DEPTOR: variants seen among roughly 807,000 people sequenced by gnomAD.
DEPTOR encodes the protein DEP domain containing MTOR interacting protein.
DEPTOR carries 41 observed loss-of-function variants against 41.6 expected under a neutral mutation model. The ratio of observed to expected loss-of-function variants is 0.98; its 90% CI spans 0.77 to 1.28. DEPTOR has a LOEUF of 1.28. DEPTOR is among the 50% of genes most tolerant of loss of function. DEPTOR has a pLI of 0.00. For missense variants in DEPTOR, 514 were observed against 527.9 expected (o/e 0.97, Z 0.26); for synonymous variants, 195 against 192.3 (o/e 1.01, Z -0.12).
intron 4 of DEPTOR, among the ~76,000 whole-genome samples, chr8:119,991,076 TTCTTTCTTTCTTTTTCTTTC>T (rs1177008490): frequency 9.5e-4 from 72 of 75,586 alleles, no homozygotes; most frequent in African/African-American, 3.4e-3. Flanking sequence ...CTTTCTTTCT[TTCTTTCTTTCTTTTTCTTTC>T]TTTCTTTCTT....
At chr8:119,955,854 A>G (rs1398220906) in intron 3 of DEPTOR, among the ~76,000 whole-genome samples, 1 of 152,234 alleles carries the variant, frequency 6.6e-6, no homozygotes, top group African/African-American at 2.4e-5. Flanking sequence ...TATGTGAATT[A>G]TCTCTGAGTA....
chr8:120,046,896 C>T (rs1813161063), intron 8 of DEPTOR, among the ~76,000 whole-genome samples: 1 of 152,222 alleles, frequency 6.6e-6, no homozygotes, highest in Admixed American at 6.5e-5. Context: ...GCCGTAAGGA[C>T]TGTGGCAAAT....
chr8:119,929,255 T>C (rs1350576644), intron 2 of DEPTOR, among the ~76,000 whole-genome samples: 2 of 152,150 alleles, frequency 1.3e-5, no homozygotes, highest in Non-Finnish European at 2.9e-5. Flanking sequence ...GGAATACCCT[T>C]TCGCCTCATT....
chr8:120,041,281 G>A (rs1026234445), intron 8 of DEPTOR, among the ~76,000 whole-genome samples: 5 of 152,144 alleles, frequency 3.3e-5, no homozygotes, highest in East Asian at 1.9e-4. Flanking sequence ...GTGATGGGAC[G>A]CCAGCCTATA....
rs530258803 is a variant in DEPTOR at position 120,026,617 on chromosome 8, A to G, written c.1101+17484A>G. ...CTCAGCCTCCCAAAGTGCTGAGATTACAGGCATGAGTCACTGCACCCCGCC... is the reference window on the plus strand; with the variant it reads ...CTCAGCCTCCCAAAGTGCTGAGATTGCAGGCATGAGTCACTGCACCCCGCC... On this transcript the variant is annotated intron_variant, in intron 8 of 8. Coordinates refer to ENST00000286234, the MANE Select transcript of DEPTOR (RefSeq NM_022783.4). Among the ~76,000 whole-genome samples the G allele has an allele frequency of 6.6e-5, 10 of 152,234 alleles. 1 individual carries two copies. In the East Asian group the frequency reaches 1.9e-3, roughly 30 times the overall value.
rs60003356 is a variant in DEPTOR at position 120,032,211 on chromosome 8, CTTT to C, written c.1102-17342_1102-17340del. 8.7e-3 allele frequency among the ~76,000 whole-genome samples: 1,057 copies of C among 120,878 alleles called. 25 individuals carry two copies. The highest frequency in any genetic ancestry group is 0.032 in the Middle Eastern group (7 of 222). The allele number at this position is 120,878 out of a possible 152,430, so 79.3% of individuals were successfully genotyped here. Reference sequence around the variant, plus strand: ...TTCATTCTAATATGACACTAACTTTCTTTTTTTTTTTTTTTTTTTTTTTTTGAG... The same window carrying C: ...TTCATTCTAATATGACACTAACTTTCTTTTTTTTTTTTTTTTTTTTTTGAG... On this transcript the variant is annotated intron_variant, in intron 8 of 8. Coordinates refer to ENST00000286234, the MANE Select transcript of DEPTOR (RefSeq NM_022783.4).
chr8:119,931,949 AT>A (rs1828049067), intron 3 of DEPTOR, among the ~76,000 whole-genome samples: 1 of 137,348 alleles, frequency 7.3e-6, no homozygotes, highest in African/African-American at 2.8e-5. Flanking sequence ...TTTTTTTTTA[AT>A]TAAAAAAGAT....
chr8:119,887,812 C>CTCTT (rs1337210854), intron 1 of DEPTOR, among the ~76,000 whole-genome samples: 2 of 150,358 alleles, frequency 1.3e-5, no homozygotes, highest in Admixed American at 6.6e-5. Context: ...TTTTTGTTTT[C>CTCTT]TCTTTCTTTC....
intron 8 of DEPTOR, among the ~76,000 whole-genome samples, chr8:120,040,036 G>A (rs575248697): frequency 2.0e-5 from 3 of 151,796 alleles, no homozygotes; most frequent in Non-Finnish European, 4.4e-5. Context: ...TAGAGATGGG[G>A]TTTCACCATG....
chr8:120,030,822 G>T (rs1267245470), intron 8 of DEPTOR, among the ~76,000 whole-genome samples: 3 of 151,918 alleles, frequency 2.0e-5, no homozygotes, highest in East Asian at 1.9e-4. Flanking sequence ...TTGAGACAGG[G>T]TCTCGCTCTG....
Position 119,873,787 on chromosome 8 carries a change from C to T in DEPTOR, c.-60C>T. ...GAAGCGTCTGTGAGGGCAGACTGAT[C>T]CGAGCACCCAAACCCTCGGCGGACA... is the stretch of plus-strand genomic sequence containing the variant. On this transcript the variant is annotated 5_prime_UTR_variant, in exon 1 of 9. Coordinates refer to ENST00000286234, the MANE Select transcript of DEPTOR (RefSeq NM_022783.4). 3 of 1,599,874 alleles carry T rather than the reference C, an allele frequency of 1.9e-6. No individual in the cohort carries two copies. The highest frequency in any genetic ancestry group is 2.6e-6 in the Non-Finnish European group (3 of 1,173,278).
Position 120,049,561 on chromosome 8 carries a change from G to A in DEPTOR, c.1102-15G>A, listed in dbSNP as rs1373674782. ...GCGCTATAATAGATGCTCTTTCTTTGCATCTTTCCTTTAGGTCTGTCAGTT... is the reference window on the plus strand; with the variant it reads ...GCGCTATAATAGATGCTCTTTCTTTACATCTTTCCTTTAGGTCTGTCAGTT... On this transcript the variant is annotated splice_polypyrimidine_tract_variant and intron_variant, in intron 8 of 8. Coordinates refer to ENST00000286234, the MANE Select transcript of DEPTOR (RefSeq NM_022783.4). 6.2e-7 allele frequency: 1 copy of A among 1,611,312 alleles called. No individual in the cohort carries two copies.
chr8:119,935,879 T>C (rs1586622594), intron 3 of DEPTOR, among the ~76,000 whole-genome samples: 1 of 152,160 alleles, frequency 6.6e-6, no homozygotes, highest in East Asian at 1.9e-4. Flanking sequence ...ATGTATATTT[T>C]AAACTAACTT....
chr8:119,888,858 C>CAAAAAAAAAAAAAA (rs34471575), intron 1 of DEPTOR, among the ~76,000 whole-genome samples: 4 of 63,864 alleles, frequency 6.3e-5, no homozygotes, highest in African/African-American at 2.6e-4. Context: ...TCTGTCTCAG[C>CAAAAAAAAAAAAAA]AAAAAAAAAA....
At chr8:119,899,770 T>C (rs536243890) in intron 1 of DEPTOR, among the ~76,000 whole-genome samples, 1 of 152,350 alleles carries the variant, frequency 6.6e-6, no homozygotes, top group South Asian at 2.1e-4. Context: ...CTTACCTATC[T>C]AATTTTAAAT....
chr8:120,030,157 G>T (rs995288014), intron 8 of DEPTOR, among the ~76,000 whole-genome samples: 1 of 152,098 alleles, frequency 6.6e-6, no homozygotes, highest in Admixed American at 6.6e-5. Context: ...GCCAGGGGAG[G>T]CCAAATACTA....
Position 119,965,135 on chromosome 8 carries a change from C to A in DEPTOR, c.426-97C>A. The A allele has an allele frequency of 2.3e-6, 3 of 1,330,482 alleles. No homozygotes were observed. The South Asian group carries it at 4.6e-5, about 20-fold the overall frequency. The allele number at this position is 1,330,482 out of a possible 1,614,324, so 82.4% of individuals were successfully genotyped here. A position where few individuals can be genotyped will look rare whatever the true frequency, so the allele number is the denominator to read the frequency against. ...CTGACAGCTGCATCTGTCTGTCTGA[C>A]AACTTTGCTGTAGTACTTCATGGAA... is the stretch of plus-strand genomic sequence containing the variant. On this transcript the variant is annotated intron_variant, in intron 3 of 8. Coordinates refer to ENST00000286234, the MANE Select transcript of DEPTOR (RefSeq NM_022783.4).
In DEPTOR at chr8:120,001,696, C is replaced by T; in HGVS notation, c.776C>T (p.Thr259Ile). 6.2e-7 allele frequency: 1 copy of T among 1,612,754 alleles called. No homozygotes were observed. Among genetic ancestry groups the T allele is most frequent in the Non-Finnish European group, 8.5e-7 (1 of 1,179,320 alleles). ...RKQSHDNRKS[T>I]SFMSVSPSKE... Reference sequence around the variant, plus strand: ...CAGAGCCATGACAATCGGAAATCTACCAGCTTTATGTCAGGTATGCCATCC... The same window carrying T: ...CAGAGCCATGACAATCGGAAATCTATCAGCTTTATGTCAGGTATGCCATCC... The change falls in exon 5 of 9, where the codon ACC (threonine) becomes ATC (isoleucine). Residue 259 changes from threonine to isoleucine, a missense_variant. Physicochemically the swap from Thr to Ile is moderately conservative, Grantham distance 89 (BLOSUM62 -1). Transcript: ENST00000286234.
At chr8:120,003,593 G>A (rs1812389756) in intron 6 of DEPTOR, among the ~76,000 whole-genome samples, 1 of 151,600 alleles carries the variant, frequency 6.6e-6, no homozygotes, top group Admixed American at 6.6e-5. Flanking sequence ...CACAGCAGGG[G>A]AAACAGCACT....
Sources: gnomAD v4.1 joint callset for allele counts (sites outside exome capture counted in the v4.1 genomes callset) on GRCh38, gnomAD v4.1.1 for gene constraint, MANE v1.5 for transcripts, NCBI Gene and HGNC (gene_info 2026-07-23, HGNC 2026-07-21) for gene names.